The following OR51B5 variants were observed in gnomAD, a reference collection of about 807,000 sequenced individuals.
The protein encoded by OR51B5 is olfactory receptor family 51 subfamily B member 5.
For missense variants in OR51B5, 456 were observed against 374.6 expected (o/e 1.22, Z -1.79); for synonymous variants, 186 against 144.8 (o/e 1.28, Z -2.04).
chr11:5,431,252 G>C (rs1564811372), intron 1 of OR51B5: 2 of 331,130 alleles, frequency 6.0e-6, no homozygotes, highest in East Asian at 1.5e-4. Context: ...CTCATGGCTA[G>C]TAGGACCCCT....
intron 1 of OR51B5, among the ~76,000 whole-genome samples, chr11:5,474,248 T>A (rs1851271206): frequency 6.6e-6 from 1 of 152,138 alleles, no homozygotes; most frequent in South Asian, 2.1e-4. Flanking sequence ...CAACTTGCCA[T>A]ATCATAAAAT....
chr11:5,420,640 T>C (rs1434931650), intron 1 of OR51B5, among the ~76,000 whole-genome samples: 1 of 132,008 alleles, frequency 7.6e-6, no homozygotes, highest in Non-Finnish European at 1.7e-5. Flanking sequence ...TCTTGTCTAT[T>C]GCTGCTATTT....
In OR51B5 at chr11:5,489,556, T is replaced by C; in HGVS notation, n.84+16013A>G. On this transcript the variant is annotated intron_variant and non_coding_transcript_variant, in intron 1 of 4. Coordinates refer to the OR51B5 transcript ENST00000415970. ...TGTGCACATCTTTCTGGCTAATCTC[T>C]ATGTGCTGGTGCCTCCTGTACTCAA... 1.2e-6 allele frequency: 2 copies of C among 1,614,030 alleles called. No individual in the cohort carries two copies. The highest frequency in any genetic ancestry group is 1.7e-4 in the Middle Eastern group (1 of 6,060).
In OR51B5 at chr11:5,367,439, G is replaced by A. The variant is rs1849386776; in HGVS notation, n.85-20529C>T. The stretch of plus-strand genomic sequence containing the variant: ...TTGATGATATGCTAAACAAGGGGTG[G>A]ATTATTCATGCCTCCCCTTTTCAGA... On this transcript the variant is annotated intron_variant and non_coding_transcript_variant, in intron 1 of 4. Coordinates refer to the OR51B5 transcript ENST00000415970. Among the ~76,000 whole-genome samples, 2 of 152,178 alleles carry A rather than the reference G, an allele frequency of 1.3e-5. 1 individual carries two copies. Among genetic ancestry groups the A allele is most frequent in the South Asian group, 4.1e-4 (2 of 4,824 alleles).
intron 1 of OR51B5, chr11:5,422,485 C>G: frequency 6.2e-7 from 1 of 1,614,184 alleles, no homozygotes; most frequent in South Asian, 1.1e-5. Flanking sequence ...GTAGAATCAG[C>G]TCTGAGGCCT....
intron 1 of OR51B5, among the ~76,000 whole-genome samples, chr11:5,377,226 T>C (rs1205766897): frequency 1.3e-5 from 2 of 151,998 alleles, no homozygotes; most frequent in African/African-American, 2.4e-5. Context: ...ATTATCTCAA[T>C]AGATGCAGAA....
intron 1 of OR51B5, chr11:5,488,825 T>C (rs376823742): frequency 3.1e-6 from 5 of 1,614,082 alleles, no homozygotes; most frequent in Admixed American, 3.3e-5. Context: ...ATGTATCTTG[T>C]AGCACTGGTT....
chr11:5,398,099 T>G (rs2133737823), intron 1 of OR51B5, among the ~76,000 whole-genome samples: 1 of 152,188 alleles, frequency 6.6e-6, no homozygotes, highest in African/African-American at 2.4e-5. Flanking sequence ...ATACCTAATG[T>G]TAAATGGTGA....
At chr11:5,397,511 A>T (rs1332214801) in intron 1 of OR51B5, among the ~76,000 whole-genome samples, 4 of 151,172 alleles carry the variant, frequency 2.6e-5, no homozygotes, top group Non-Finnish European at 5.9e-5. Flanking sequence ...ATACCATCTC[A>T]CACCAGTTAG....
At chr11:5,407,011 G>T (rs1850067401) in intron 1 of OR51B5, among the ~76,000 whole-genome samples, 2 of 151,946 alleles carry the variant, frequency 1.3e-5, no homozygotes. Context: ...CAAAATTAAT[G>T]ATTTAAAAGA....
At chr11:5,373,775 G>C (rs542193314) in intron 1 of OR51B5, among the ~76,000 whole-genome samples, 1 of 152,210 alleles carries the variant, frequency 6.6e-6, no homozygotes, top group Non-Finnish European at 1.5e-5. Flanking sequence ...CGAGGCTGGG[G>C]GAGGGGCAGC....
intron 1 of OR51B5, among the ~76,000 whole-genome samples, chr11:5,482,061 C>CA (rs1851431662): frequency 8.3e-6 from 1 of 119,812 alleles, no homozygotes; most frequent in Admixed American, 8.4e-5. Context: ...AATCCTAAGC[C>CA]AAAAGAACAA....
chr11:5,474,771 G>A (rs1209503718), intron 1 of OR51B5, among the ~76,000 whole-genome samples: 1 of 152,182 alleles, frequency 6.6e-6, no homozygotes, highest in Non-Finnish European at 1.5e-5. Context: ...CCACGCTGAA[G>A]GAGGTGCTCA....
intron 1 of OR51B5, among the ~76,000 whole-genome samples, chr11:5,370,680 A>G (rs1849433888): frequency 6.6e-6 from 1 of 152,228 alleles, no homozygotes; most frequent in Non-Finnish European, 1.5e-5. Context: ...ACTGGGTACA[A>G]AAATACATTG....
chr11:5,443,966 C>T (rs1850729206), intron 1 of OR51B5, among the ~76,000 whole-genome samples: 1 of 152,090 alleles, frequency 6.6e-6, no homozygotes, highest in Non-Finnish European at 1.5e-5. Flanking sequence ...CATACCCACA[C>T]ATACACACAA....
At chr11:5,465,097 T>C (rs910326157) in intron 1 of OR51B5, among the ~76,000 whole-genome samples, 1 of 144,474 alleles carries the variant, frequency 6.9e-6, no homozygotes, top group Non-Finnish European at 1.5e-5. Context: ...TCCCAGCTAC[T>C]TGGGAGGCTG....
At chr11:5,379,999 A>AAAT (rs149974846) in intron 1 of OR51B5, among the ~76,000 whole-genome samples, 10,812 of 151,990 alleles carry the variant, frequency 0.071, 457 homozygotes, top group African/African-American at 0.1. Flanking sequence ...TAAAAAAAAA[A>AAAT]AATAAGCTAC....
At chr11:5,430,918 C>T (rs1850524541) in intron 1 of OR51B5, 2 of 456,936 alleles carry the variant, frequency 4.4e-6, no homozygotes, top group South Asian at 3.1e-5. Flanking sequence ...AGAAGCAATG[C>T]CCATCACTGT....
intron 1 of OR51B5, among the ~76,000 whole-genome samples, chr11:5,395,310 G>C: frequency 1.3e-5 from 2 of 152,334 alleles, no homozygotes; most frequent in Middle Eastern, 3.4e-3. Context: ...AGGGCTGCAT[G>C]AGAAAGAAGC....
Sources: gnomAD v4.1 joint callset for allele counts (sites outside exome capture counted in the v4.1 genomes callset) on GRCh38, gnomAD v4.1.1 for gene constraint, MANE v1.5 for transcripts, NCBI Gene and HGNC (gene_info 2026-07-23, HGNC 2026-07-21) for gene names.